Variants in IP6K1 observed in about 807,000 individuals in gnomAD.
IP6K1 encodes ATP:1D-myo-inositol-hexakisphosphate phosphotransferase.
Under a neutral mutation model 38.3 loss-of-function variants are expected in IP6K1, and 13 were observed. The ratio of observed to expected loss-of-function variants is 0.34; its 90% CI spans 0.22 to 0.54. The LOEUF (loss-of-function observed/expected upper bound fraction) is 0.54, where lower values mean the gene tolerates loss of function less well. Ranked by LOEUF, IP6K1 falls within the 20% of genes least tolerant of loss-of-function variation. IP6K1 has a pLI of 0.92. For synonymous variants in IP6K1, 212 were observed against 229.9 expected, an observed-to-expected ratio of 0.92 and a Z score of 0.70; for missense variants, 397 against 599.8, an observed-to-expected ratio of 0.66 and a Z score of 3.53.
intron 1 of IP6K1, among the ~76,000 whole-genome samples, chr3:49,781,351 C>T (rs935492924): frequency 1.3e-5 from 2 of 152,220 alleles, no homozygotes; most frequent in African/African-American, 4.8e-5. Context: ...GCGTGACCCA[C>T]TGTGCCGGCC....
intron 1 of IP6K1, among the ~76,000 whole-genome samples, chr3:49,749,615 G>T (rs907043109): frequency 3.9e-5 from 6 of 152,084 alleles, no homozygotes; most frequent in Admixed American, 2.0e-4. Context: ...TACCACTGCT[G>T]AGCTGTGATG....
At chr3:49,738,141 C>T in intron 3 of IP6K1, 71 bp downstream of exon 3, 1 of 1,259,640 alleles carries the variant, frequency 7.9e-7, no homozygotes, top group Non-Finnish European at 1.2e-6. Context: ...GCCCTGCTTC[C>T]CCATGATGTG....
intron 1 of IP6K1, among the ~76,000 whole-genome samples, chr3:49,779,932 C>T (rs2081050418): frequency 6.6e-6 from 1 of 152,110 alleles, no homozygotes; most frequent in Non-Finnish European, 1.5e-5. Context: ...AAGCAATTTG[C>T]CTGCTTCAAC....
intron 2 of IP6K1, among the ~76,000 whole-genome samples, chr3:49,744,958 T>A (rs1468027743): frequency 6.6e-6 from 1 of 152,186 alleles, no homozygotes; most frequent in African/African-American, 2.4e-5. Context: ...AATCATCAAC[T>A]GTTAGTGCTT....
intron 2 of IP6K1, among the ~76,000 whole-genome samples, chr3:49,743,849 ACCTCAGGTGATCCGCCTGCCTCGG>A (rs1308281240): frequency 6.6e-6 from 1 of 151,212 alleles, no homozygotes; most frequent in Non-Finnish European, 1.5e-5. Flanking sequence ...CGAACTCCTG[ACCTCAGGTGATCCGCCTGCCTCGG>A]CCTCCCAAAG....
At chr3:49,731,877 G>A (rs2080564652) in intron 4 of IP6K1, among the ~76,000 whole-genome samples, 1 of 40,074 alleles carries the variant, frequency 2.5e-5, no homozygotes, top group Non-Finnish European at 5.4e-5. Context: ...AACAGAGTGA[G>A]ACTCTGTCTC....
intron 2 of IP6K1, among the ~76,000 whole-genome samples, chr3:49,740,109 G>A (rs2080652465): frequency 6.6e-6 from 1 of 151,952 alleles, no homozygotes; most frequent in Admixed American, 6.6e-5. Context: ...CTTGAACACA[G>A]GAGTTCAAGA....
rs1034439923 is a variant in IP6K1, at chr3:49,726,827, G to A, written c.*295C>T. 3 of 449,334 alleles carry A rather than the reference G, an allele frequency of 6.7e-6. No individual in the cohort carries two copies. The highest frequency in any genetic ancestry group is 1.2e-5 in the Non-Finnish European group (3 of 256,406). 27.8% of individuals were successfully genotyped at this position (449,334 alleles called of 1,614,324 possible). On this transcript the variant is annotated 3_prime_UTR_variant, in exon 6 of 6. Transcript: ENST00000321599. ...CTAGACAAGAGAAACCAATGTCCAA[G>A]GGCACCCTGTCCCTGCTGCCAAGCC...
chr3:49,758,962 C>A (rs1354877258), intron 1 of IP6K1, among the ~76,000 whole-genome samples: 1 of 151,856 alleles, frequency 6.6e-6, no homozygotes, highest in Admixed American at 6.6e-5. Flanking sequence ...AAAAAAATAC[C>A]CAACAGTTTC....
chr3:49,752,637 C>T (rs1001036362), intron 1 of IP6K1, among the ~76,000 whole-genome samples: 4 of 152,044 alleles, frequency 2.6e-5, no homozygotes, highest in Admixed American at 2.0e-4. Flanking sequence ...ATTCTCCTAC[C>T]GTAGAGACGG....
At chr3:49,760,281 C>A (rs896710684) in intron 1 of IP6K1, among the ~76,000 whole-genome samples, 5 of 152,158 alleles carry the variant, frequency 3.3e-5, no homozygotes, top group African/African-American at 1.2e-4. Context: ...GAGATGGGGA[C>A]TAACCTTCAC....
At chr3:49,743,205 G>T (rs1365523788) in intron 2 of IP6K1, among the ~76,000 whole-genome samples, 8 of 149,732 alleles carry the variant, frequency 5.3e-5, no homozygotes, top group Non-Finnish European at 3.0e-5. Context: ...AGGCAATGAA[G>T]CAAGACCCTA....
At chr3:49,773,402 A>G (rs1332987166) in intron 1 of IP6K1, among the ~76,000 whole-genome samples, 1 of 152,124 alleles carries the variant, frequency 6.6e-6, no homozygotes, top group Admixed American at 6.5e-5. Flanking sequence ...CAAGGTCAGG[A>G]TATCGAGACC....
intron 1 of IP6K1, among the ~76,000 whole-genome samples, chr3:49,776,394 G>A (rs1292791839): frequency 2.0e-5 from 3 of 151,976 alleles, no homozygotes; most frequent in Non-Finnish European, 4.4e-5. Context: ...GTGCATGTCT[G>A]TAATCCCAAC....
At chr3:49,783,732 G>T (rs1002854660) in intron 1 of IP6K1, among the ~76,000 whole-genome samples, 1 of 148,688 alleles carries the variant, frequency 6.7e-6, no homozygotes, top group Non-Finnish European at 1.5e-5. Context: ...AAAAAAGAAA[G>T]AAAGAAAAGC....
chr3:49,766,219 G>A (rs762092738), intron 1 of IP6K1, among the ~76,000 whole-genome samples: 11 of 152,076 alleles, frequency 7.2e-5, no homozygotes, highest in Non-Finnish European at 1.0e-4. Flanking sequence ...ACAAAAATTC[G>A]CTGGGTGTGG....
At chr3:49,785,810 G>C (rs993222605) in intron 1 of IP6K1, 8 of 152,216 alleles carry the variant, frequency 5.3e-5, no homozygotes, top group Non-Finnish European at 7.3e-5. Context: ...GGTGAGCTTC[G>C]AGGTACACGT....
chr3:49,728,377 G>A, intron 4 of IP6K1, 99 bp from the exon 5 acceptor site: 2 of 1,131,638 alleles, frequency 1.8e-6, no homozygotes, highest in Non-Finnish European at 2.6e-6. Flanking sequence ...TTTACCTAAT[G>A]CAGTATGTAC....
At chr3:49,729,390 GATTT>G (rs1323685784) in intron 4 of IP6K1, among the ~76,000 whole-genome samples, 2 of 151,138 alleles carry the variant, frequency 1.3e-5, no homozygotes, top group African/African-American at 4.9e-5. Context: ...TTTTTATGTT[GATTT>G]ATTTTTGTTA....
Sources: gnomAD v4.1 joint callset for allele counts (sites outside exome capture counted in the v4.1 genomes callset) on GRCh38, gnomAD v4.1.1 for gene constraint, MANE v1.5 for transcripts, NCBI Gene and HGNC (gene_info 2026-07-23, HGNC 2026-07-21) for gene names.